The following FHIT variants were observed in gnomAD, a reference collection of about 807,000 sequenced individuals.
The protein encoded by FHIT is bis(5'-adenosyl)-triphosphatase.
FHIT carries 19 observed loss-of-function variants against 17.9 expected under a neutral mutation model. The ratio of observed to expected loss-of-function variants is 1.06; its 90% CI spans 0.74 to 1.56. The LOEUF (loss-of-function observed/expected upper bound fraction) is 1.56, where lower values mean the gene tolerates loss of function less well. Ranked by LOEUF, FHIT falls within the 40% of genes most tolerant of loss-of-function variation. The probability of loss-of-function intolerance (pLI) is 0.00; values close to 1 mark genes in which losing one functional copy is unlikely to be tolerated. For missense variants in FHIT, 248 were observed against 189.2 expected, an observed-to-expected ratio of 1.31 and a Z score of -1.82; for synonymous variants, 81 against 69.7, an observed-to-expected ratio of 1.16 and a Z score of -0.81.
intron 2 of FHIT, among the ~76,000 whole-genome samples, chr3:61,054,905 C>T (rs937825992): frequency 2.0e-5 from 3 of 152,174 alleles, no homozygotes; most frequent in African/African-American, 7.2e-5. Flanking sequence ...TTTCAGACCC[C>T]CTTGTACATG....
At chr3:61,146,382 G>C (rs1362366659) in intron 2 of FHIT, among the ~76,000 whole-genome samples, 1 of 151,964 alleles carries the variant, frequency 6.6e-6, no homozygotes, top group East Asian at 1.9e-4. Flanking sequence ...ACAGGGTTTA[G>C]TGCACAATAT....
At chr3:60,553,414 T>G in intron 4 of FHIT, 2 of 967,396 alleles carry the variant, frequency 2.1e-6, no homozygotes, top group Non-Finnish European at 2.4e-6. Flanking sequence ...CGGAGACCTT[T>G]TATGCAAAAA....
intron 5 of FHIT, among the ~76,000 whole-genome samples, chr3:60,512,392 G>T (rs1304055157): frequency 6.6e-6 from 1 of 152,118 alleles, no homozygotes; most frequent in Non-Finnish European, 1.5e-5. Flanking sequence ...GAATCAACAT[G>T]TTTCCACATA....
intron 5 of FHIT, among the ~76,000 whole-genome samples, chr3:60,047,182 T>G (rs1701688762): frequency 6.6e-6 from 1 of 152,250 alleles, no homozygotes. Flanking sequence ...CTCTGGTTTG[T>G]GAGGGCTATT....
At chr3:61,045,523 C>A (rs561118183) in intron 2 of FHIT, among the ~76,000 whole-genome samples, 2 of 152,218 alleles carry the variant, frequency 1.3e-5, no homozygotes, top group African/African-American at 4.8e-5. Context: ...GACTTAGACT[C>A]CCACACAATA....
chr3:60,468,548 T>C (rs895563234), intron 5 of FHIT, among the ~76,000 whole-genome samples: 2 of 152,194 alleles, frequency 1.3e-5, no homozygotes, highest in Middle Eastern at 6.8e-3. Context: ...CAACACTGAT[T>C]GCATAAACAA....
chr3:59,757,143 GCAA>G (rs1035668605), intron 8 of FHIT, among the ~76,000 whole-genome samples: 5 of 152,090 alleles, frequency 3.3e-5, no homozygotes, highest in Admixed American at 2.6e-4. Flanking sequence ...TCCTTCTGAT[GCAA>G]CAACAATAGT....
chr3:60,308,496 G>GTATATATATATA (rs5849349), intron 5 of FHIT, among the ~76,000 whole-genome samples: 219 of 140,862 alleles, frequency 1.6e-3, no homozygotes, highest in Middle Eastern at 3.7e-3. Context: ...AGGTGTATGT[G>GTATATATATATA]TATATATATA....
At chr3:60,871,447 A>G (rs1004432062) in intron 3 of FHIT, among the ~76,000 whole-genome samples, 3 of 152,144 alleles carry the variant, frequency 2.0e-5, no homozygotes, top group African/African-American at 7.2e-5. Context: ...GTCTAATAAC[A>G]TAACACTGTC....
At chr3:59,987,940 G>A (rs994179869) in intron 7 of FHIT, among the ~76,000 whole-genome samples, 3 of 152,160 alleles carry the variant, frequency 2.0e-5, no homozygotes, top group Non-Finnish European at 4.4e-5. Flanking sequence ...ATTTTGAAAA[G>A]GGGAACAAGA....
intron 8 of FHIT, among the ~76,000 whole-genome samples, chr3:59,796,033 G>C (rs994081944): frequency 2.0e-5 from 3 of 152,204 alleles, no homozygotes; most frequent in African/African-American, 7.2e-5. Context: ...ATAGGAAAGA[G>C]GTGGAGACAG....
At chr3:60,226,441 C>T (rs1367813400) in intron 5 of FHIT, among the ~76,000 whole-genome samples, 1 of 126,856 alleles carries the variant, frequency 7.9e-6, no homozygotes, top group African/African-American at 3.2e-5. Flanking sequence ...CATTGCACTC[C>T]AGCCTGGGCA....
At chr3:60,188,656 A>C (rs1702268192) in intron 5 of FHIT, among the ~76,000 whole-genome samples, 2 of 152,258 alleles carry the variant, frequency 1.3e-5, no homozygotes, top group Admixed American at 1.3e-4. Context: ...AGCTTTTCCA[A>C]ACTTCTTTAC....
At chr3:60,772,567 C>T (rs1241876346) in intron 4 of FHIT, among the ~76,000 whole-genome samples, 1 of 152,022 alleles carries the variant, frequency 6.6e-6, no homozygotes, top group Non-Finnish European at 1.5e-5. Flanking sequence ...GCCAAGCTAG[C>T]TTTGGGAGAC....
chr3:60,207,770 T>C (rs1203714422), intron 5 of FHIT, among the ~76,000 whole-genome samples: 6 of 152,218 alleles, frequency 3.9e-5, no homozygotes, highest in African/African-American at 9.6e-5. Flanking sequence ...GTCATGAGAA[T>C]GTGTGAAAAA....
chr3:61,250,025 G>A (rs2040579469), intron 1 of FHIT, among the ~76,000 whole-genome samples: 1 of 149,314 alleles, frequency 6.7e-6, no homozygotes, highest in African/African-American at 2.5e-5. Flanking sequence ...AATATTTCTA[G>A]TCCAGGTTGC....
In FHIT at chr3:59,855,972, G is replaced by A. The variant is rs185858670; in HGVS notation, c.348+66374C>T. ...ATTTTTTTGTATTTTTAGTAGAGACGTGGTTTCACTGTGTTAGCCAAGATG... is the reference window on the plus strand; with the variant it reads ...ATTTTTTTGTATTTTTAGTAGAGACATGGTTTCACTGTGTTAGCCAAGATG... On this transcript the variant is annotated intron_variant, in intron 8 of 9. Coordinates refer to ENST00000492590, the MANE Select transcript of FHIT (RefSeq NM_002012.4). Among the ~76,000 whole-genome samples, 21 of 151,958 alleles carry A rather than the reference G, an allele frequency of 1.4e-4. No individual in the cohort carries two copies. In the East Asian group the frequency reaches 1.9e-3, roughly 14 times the overall value.
intron 2 of FHIT, among the ~76,000 whole-genome samples, chr3:61,188,964 A>G (rs1469251643): frequency 1.3e-5 from 2 of 151,914 alleles, no homozygotes; most frequent in Admixed American, 6.6e-5. Flanking sequence ...TGACAAACCC[A>G]CAGTCAATAT....
At chr3:60,080,545 C>T (rs1703232201) in intron 5 of FHIT, among the ~76,000 whole-genome samples, 1 of 151,974 alleles carries the variant, frequency 6.6e-6, no homozygotes, top group East Asian at 1.9e-4. Flanking sequence ...CTTTATTCAC[C>T]AAACATTTAC....
Sources: gnomAD v4.1 joint callset for allele counts (sites outside exome capture counted in the v4.1 genomes callset) on GRCh38, gnomAD v4.1.1 for gene constraint, MANE v1.5 for transcripts, NCBI Gene and HGNC (gene_info 2026-07-23, HGNC 2026-07-21) for gene names.